DNAJC9: variants seen among roughly 807,000 people sequenced by gnomAD.
The protein encoded by DNAJC9 is DnaJ heat shock protein family (Hsp40) member C9.
DNAJC9 carries 18 observed loss-of-function variants against 32.4 expected under a neutral mutation model. That is an observed-to-expected ratio of 0.56 (90% CI 0.38 to 0.82). DNAJC9 has a LOEUF of 0.82. DNAJC9 is among the 40% of genes least tolerant of loss of function. The pLI is 0.00. For missense variants in DNAJC9, 310 were observed against 321.8 expected (o/e 0.96, Z 0.28); for synonymous variants, 113 against 122.1 (o/e 0.93, Z 0.49).
Position 73,246,150 on chromosome 10 carries a change from A to C in DNAJC9, c.348T>G (p.Phe116Leu). The part of the protein sequence containing the change: ...KKISLEDIQA[F>L]EKTYKGSEEE... ...CTTCCGAACCTTTGTATGTCTTTTC[A>C]AAAGCTTGAATGTCCTCTAAAGATA... The change falls in exon 3 of 5, where the codon TTT becomes TTG. Residue 116 changes from phenylalanine (F) to leucine (L), a missense_variant. Physicochemically the swap from Phe to Leu is conservative, Grantham distance 22. Transcript: ENST00000372950. 1 of 1,613,000 alleles carries C rather than the reference A, an allele frequency of 6.2e-7. No individual in the cohort carries two copies. The highest frequency in any genetic ancestry group is 8.5e-7 in the Non-Finnish European group (1 of 1,179,708).
chr10:73,243,956 A>T, intron 3 of DNAJC9, 27 bp from the exon 4 acceptor site: 1 of 1,584,902 alleles, frequency 6.3e-7, no homozygotes, highest in East Asian at 2.2e-5. Flanking sequence ...CATGAGACTC[A>T]GGGCCACCAG....
At chr10:73,240,241 T>G (rs1029838985), downstream of DNAJC9, among the ~76,000 whole-genome samples, 2 of 152,216 alleles carry the variant, frequency 1.3e-5, no homozygotes, top group African/African-American at 2.4e-5. Context: ...ATGTTTCCTG[T>G]TAATGATCAA....
At chr10:73,240,938 T>C, downstream of DNAJC9, 2 of 1,505,762 alleles carry the variant, frequency 1.3e-6, no homozygotes, top group Non-Finnish European at 1.8e-6. Flanking sequence ...CTCTATGTCA[T>C]CTGACAGGTC....
At chr10:73,235,267 G>T (rs375135630), downstream of DNAJC9, 4 of 1,552,072 alleles carry the variant, frequency 2.6e-6, no homozygotes, top group Admixed American at 2.0e-5. Context: ...CACAAGAAAG[G>T]CTCCTTTTGC....
At position 73,246,059 on chromosome 10, in the gene DNAJC9, A is replaced by C. The variant is rs1438652759; in HGVS notation, c.439T>G (p.Ser147Ala). Reference protein sequence around the residue: ...FKGDMDQIMESVLCVQYTEEP... With the variant: ...FKGDMDQIMEAVLCVQYTEEP... ...TCTGTGTACTGCACGCAAAGCACAG[A>C]CTCCATGATCTGATCCATGTCACCC... Residue 147 changes from serine to alanine, a missense_variant, in exon 3 of 5, where the codon TCT becomes GCT. By Grantham distance (99) the Ser-to-Ala change is moderately conservative. Coordinates refer to ENST00000372950, the MANE Select transcript of DNAJC9 (RefSeq NM_015190.5). 4 of 1,613,394 alleles carry C rather than the reference A, an allele frequency of 2.5e-6. No individual in the cohort carries two copies. Among genetic ancestry groups the C allele is most frequent in the Non-Finnish European group, 3.4e-6 (4 of 1,179,820 alleles).
chr10:73,246,269 A>C, intron 2 of DNAJC9, 93 bp from the exon 3 acceptor site: 1 of 1,347,118 alleles, frequency 7.4e-7, no homozygotes, highest in Non-Finnish European at 1.0e-6. Flanking sequence ...GAATTGCTGC[A>C]ATACAACAGT....
downstream of DNAJC9, among the ~76,000 whole-genome samples, chr10:73,235,914 T>C (rs568409084): frequency 2.6e-5 from 4 of 152,152 alleles, no homozygotes; most frequent in South Asian, 4.1e-4. Flanking sequence ...TTTTAAGTAA[T>C]AGAAAAAACC....
downstream of DNAJC9, chr10:73,235,351 T>C (rs769567688): frequency 2.6e-6 from 4 of 1,550,214 alleles, no homozygotes; most frequent in Non-Finnish European, 3.5e-6. Context: ...ATGGTCTTGA[T>C]AGTTGGGGAA....
chr10:73,243,751 TAAA>T, intron 4 of DNAJC9, 89 bp downstream of exon 4: 2 of 1,308,438 alleles, frequency 1.5e-6, no homozygotes, highest in Admixed American at 4.1e-5. Flanking sequence ...GGTTATGTCT[TAAA>T]AGAAGAAAAC....
chr10:73,241,013 AC>A, downstream of DNAJC9: 1 of 1,531,486 alleles, frequency 6.5e-7, no homozygotes, highest in Non-Finnish European at 8.8e-7. Flanking sequence ...CCAGGCAGGG[AC>A]CATAAGGCAA....
chr10:73,243,343 A>G lies in DNAJC9; in HGVS notation c.*57T>C. On this transcript the variant is annotated 3_prime_UTR_variant, in exon 5 of 5. Transcript: ENST00000372950. ...ACTTTTGCCTTCAAATCCTGCCTGCACCTTGCCTACGATGGCATCAATTTA... is the reference window on the plus strand; with the variant it reads ...ACTTTTGCCTTCAAATCCTGCCTGCGCCTTGCCTACGATGGCATCAATTTA... The G allele has an allele frequency of 1.9e-6, 3 of 1,600,714 alleles. No homozygotes were observed. The highest frequency in any genetic ancestry group is 2.6e-6 in the Non-Finnish European group (3 of 1,174,266).
At chr10:73,238,112 G>A (rs1012075644), downstream of DNAJC9, among the ~76,000 whole-genome samples, 5 of 152,144 alleles carry the variant, frequency 3.3e-5, no homozygotes, top group Non-Finnish European at 7.3e-5. Flanking sequence ...TTGGGAGGCT[G>A]AGGTGGGCAG....
downstream of DNAJC9, chr10:73,239,326 T>A: frequency 6.4e-7 from 1 of 1,551,638 alleles, no homozygotes; most frequent in Non-Finnish European, 8.7e-7. Flanking sequence ...ATACACAGTA[T>A]CGTCGCTCAT....
chr10:73,237,493 TG>T (rs1196703908), downstream of DNAJC9, among the ~76,000 whole-genome samples: 1 of 152,012 alleles, frequency 6.6e-6, no homozygotes, highest in East Asian at 1.9e-4. Flanking sequence ...CTCAGCTCAC[TG>T]CAGCCTCCAC....
rs1341538795 is a variant in DNAJC9 at position 73,247,139 on chromosome 10, G to T, written c.51C>A (p.Tyr17Ter). 6.3e-7 allele frequency: 1 copy of T among 1,596,116 alleles called. No homozygotes were observed. Reference protein sequence around the residue: ...CEEVFGTADLYRVLGVRREAS... With the variant: ...CEEVFGTADL ...CCTCGCGTCGCACGCCCAGCACCCG[G>T]TAAAGGTCGGCGGTGCCGAACACTT... Residue 17 changes from tyrosine to a stop codon, truncating the protein, a stop_gained, in exon 1 of 5, where the codon TAC becomes TAA. Coordinates refer to ENST00000372950, the MANE Select transcript of DNAJC9 (RefSeq NM_015190.5). LOFTEE classifies it high-confidence loss of function.
rs1171668535 is a variant in DNAJC9 at position 73,243,236 on chromosome 10, G to C, written c.*164C>G. ...TCAAGTGCTTTCTAGGAAATACTAA[G>C]ATCAGGTTGAGAGATTCTGCTTGGT... is the stretch of plus-strand genomic sequence containing the variant. On this transcript the variant is annotated 3_prime_UTR_variant, in exon 5 of 5. Coordinates refer to ENST00000372950, the MANE Select transcript of DNAJC9 (RefSeq NM_015190.5). 1.4e-6 allele frequency: 1 copy of C among 698,600 alleles called. No homozygotes were observed. The highest frequency in any genetic ancestry group is 2.4e-6 in the Non-Finnish European group (1 of 419,510). 43.3% of individuals were successfully genotyped at this position (698,600 alleles called of 1,614,324 possible).
downstream of DNAJC9, chr10:73,235,051 A>G (rs1191299101): frequency 6.8e-7 from 1 of 1,461,850 alleles, no homozygotes; most frequent in East Asian, 2.5e-5. Flanking sequence ...TGTCAAAAGT[A>G]CAAACACAGT....
chr10:73,232,912 A>AT (rs1564715055), intron 2 of DNAJC9: 1 of 1,328,492 alleles, frequency 7.5e-7, no homozygotes, highest in Admixed American at 2.0e-5. Flanking sequence ...TCTTTACTTC[A>AT]TTGTGGGTTT....
At chr10:73,234,681 T>C, downstream of DNAJC9, 1 of 953,700 alleles carries the variant, frequency 1.0e-6, no homozygotes, top group Non-Finnish European at 1.5e-6. Flanking sequence ...AGATCTCTAC[T>C]TGAAAACATA....
Sources: allele counts gnomAD v4.1 joint callset (sites outside exome capture counted in the v4.1 genomes callset), GRCh38; gene constraint gnomAD v4.1.1; transcripts MANE v1.5; gene names NCBI Gene and HGNC (gene_info 2026-07-23, HGNC 2026-07-21).